TET2: variants seen among roughly 807,000 people sequenced by gnomAD.
The protein encoded by TET2 is methylcytosine dioxygenase TET2.
A neutral mutation model predicts 142.9 loss-of-function variants in TET2; 299 were observed. The observed-to-expected ratio is 2.09, with a 90% CI of 1.90 to 2.30. TET2 has a LOEUF of 2.30. Among genes scored for constraint, TET2 ranks in the 30% most tolerant of loss-of-function variants. The pLI, the probability that TET2 is intolerant of heterozygous loss-of-function variation, is 0.00. For synonymous variants in TET2, 819 were observed against 849.0 expected, an observed-to-expected ratio of 0.96 and a Z score of 0.61; for missense variants, 2,418 against 2,378.0, an observed-to-expected ratio of 1.02 and a Z score of -0.35.
rs1397583817 is a variant in TET2, at chr4:105,241,203, T to A, written c.3410-136T>A. 10 of 1,336,336 alleles carry A rather than the reference T, an allele frequency of 7.5e-6. No individual in the cohort carries two copies. The Admixed American group carries it at 3.5e-4, about 47-fold the overall frequency. 82.8% of individuals were successfully genotyped at this position (1,336,336 alleles called of 1,614,324 possible). A position where few individuals can be genotyped will look rare whatever the true frequency, so the allele number is the denominator to read the frequency against. On this transcript the variant is annotated intron_variant, in intron 3 of 10. Coordinates refer to ENST00000380013, the MANE Select transcript of TET2 (RefSeq NM_001127208.3). ...CTAATAGATCAGTCCATCAATCTAC[T>A]CATTTTAAAGAAAAAAAAATTTTAA...
At chr4:105,231,610 T>C (rs913071140) in intron 2 of TET2, among the ~76,000 whole-genome samples, 1 of 152,228 alleles carries the variant, frequency 6.6e-6, no homozygotes, top group Admixed American at 6.5e-5. Flanking sequence ...CTGTAAACAA[T>C]AACTTTAGCG....
chr4:105,237,870 CTCCTAAAGTT>C, intron 3 of TET2: 1 of 1,059,514 alleles, frequency 9.4e-7, no homozygotes. Context: ...ACTCTTAGTG[CTCCTAAAGTT>C]TCCTTTTCTC....
intron 1 of TET2, among the ~76,000 whole-genome samples, chr4:105,188,250 G>A (rs1247626367): frequency 6.6e-6 from 1 of 152,126 alleles, no homozygotes; most frequent in Non-Finnish European, 1.5e-5. Context: ...ATTCTACTAA[G>A]TGGAATAAGC....
intron 2 of TET2, among the ~76,000 whole-genome samples, chr4:105,199,806 C>T (rs1325783669): frequency 6.6e-6 from 1 of 152,144 alleles, no homozygotes; most frequent in Non-Finnish European, 1.5e-5. Flanking sequence ...GTTTTCTGTT[C>T]CTATGTTAGT....
chr4:105,229,410 A>G (rs1439795038), intron 2 of TET2, among the ~76,000 whole-genome samples: 1 of 152,166 alleles, frequency 6.6e-6, no homozygotes, highest in East Asian at 1.9e-4. Flanking sequence ...TCCTGGGTTC[A>G]AATGATTCTC....
At chr4:105,253,161 A>G (rs987770059) in intron 6 of TET2, among the ~76,000 whole-genome samples, 6 of 152,144 alleles carry the variant, frequency 3.9e-5, no homozygotes, top group Non-Finnish European at 5.9e-5. Context: ...GGCTATATAT[A>G]CAGTCATTTA....
Position 105,276,253 on chromosome 4 carries a change from G to T in TET2, c.5743G>T (p.Ala1915Ser). The T allele has an allele frequency of 6.4e-7, 1 of 1,551,650 alleles. No homozygotes were observed. The highest frequency in any genetic ancestry group is 8.7e-7 in the Non-Finnish European group (1 of 1,146,972). Residue 1915 changes from alanine (A) to serine (S), a missense_variant, in exon 11 of 11, where the codon GCT (alanine) becomes TCT (serine). Physicochemically the swap from Ala to Ser is moderately conservative, Grantham distance 99 (BLOSUM62 1). Transcript: ENST00000380013. ...CATGAATGAGCCAAAACATGGCTTG[G>T]CTCTTTGGGAAGCCAAAATGGCTGA... is the stretch of plus-strand genomic sequence containing the variant. Reference protein sequence around the residue: ...KSMNEPKHGLALWEAKMAEKA... With the variant: ...KSMNEPKHGLSLWEAKMAEKA...
At chr4:105,209,852 C>T in intron 2 of TET2, among the ~76,000 whole-genome samples, 1 of 152,000 alleles carries the variant, frequency 6.6e-6, no homozygotes, top group East Asian at 1.9e-4. Flanking sequence ...AGAAGATGAG[C>T]AAGGCTTAGA....
Position 105,243,741 on chromosome 4 carries a change from G to GGCAC in TET2, c.3769_3772dup (p.Leu1258HisfsTer11). 1 of 1,551,248 alleles carries GGCAC rather than the reference G, an allele frequency of 6.4e-7. No individual in the cohort carries two copies. The highest frequency in any genetic ancestry group is 8.7e-7 in the Non-Finnish European group (1 of 1,146,804). ...GCTTACCGAGACGCTGAGGAAATAC[G>GGCAC]GCACGCTCACCAATCGCCGGTGTGC... On this transcript the variant is annotated frameshift_variant, in exon 6 of 11. Coordinates refer to ENST00000380013, the MANE Select transcript of TET2 (RefSeq NM_001127208.3). LOFTEE classifies it high-confidence loss of function.
intron 1 of TET2, among the ~76,000 whole-genome samples, chr4:105,151,832 T>C (rs1342091393): frequency 1.3e-5 from 2 of 152,106 alleles, no homozygotes; most frequent in African/African-American, 4.8e-5. Context: ...CCCAGCACTT[T>C]GGGACGACAA....
chr4:105,195,419 A>G (rs1726026468), intron 2 of TET2, among the ~76,000 whole-genome samples: 1 of 152,178 alleles, frequency 6.6e-6, no homozygotes, highest in Non-Finnish European at 1.5e-5. Context: ...ACAAGTAATG[A>G]TGTTCTAGAA....
chr4:105,178,043 A>C (rs2110439425), intron 1 of TET2: 1 of 152,264 alleles, frequency 6.6e-6, no homozygotes, highest in Non-Finnish European at 1.5e-5. Flanking sequence ...AGCTGAGATC[A>C]TGCCATTGCA....
At chr4:105,213,261 G>T (rs1037779066) in intron 2 of TET2, among the ~76,000 whole-genome samples, 1 of 152,084 alleles carries the variant, frequency 6.6e-6, no homozygotes, top group Non-Finnish European at 1.5e-5. Context: ...AGTTTGACAC[G>T]TCAGTATAGT....
chr4:105,157,033 C>G (rs1205600551), intron 1 of TET2, among the ~76,000 whole-genome samples: 2 of 152,008 alleles, frequency 1.3e-5, no homozygotes, highest in Non-Finnish European at 1.5e-5. Flanking sequence ...CTTTGAGCAC[C>G]CTGTAATTAA....
At chr4:105,239,201 A>G (rs1168794313) in intron 3 of TET2, 1 of 242,502 alleles carries the variant, frequency 4.1e-6, no homozygotes, top group Non-Finnish European at 8.7e-6. Flanking sequence ...AGCAGGGTAC[A>G]CTTAGCATAA....
intron 8 of TET2, among the ~76,000 whole-genome samples, chr4:105,265,157 A>G (rs1054072579): frequency 6.6e-6 from 1 of 152,202 alleles, no homozygotes; most frequent in Non-Finnish European, 1.5e-5. Flanking sequence ...ATTTTAGACA[A>G]ATGCTTCTAA....
chr4:105,168,771 TTG>T (rs1560720543), intron 1 of TET2, among the ~76,000 whole-genome samples: 1 of 152,100 alleles, frequency 6.6e-6, no homozygotes, highest in Admixed American at 6.6e-5. Context: ...CTAGAGTCCA[TTG>T]TGTCATTCTT....
intron 2 of TET2, among the ~76,000 whole-genome samples, chr4:105,208,463 C>G (rs1726958475): frequency 6.6e-6 from 1 of 152,052 alleles, no homozygotes; most frequent in Admixed American, 6.6e-5. Context: ...GAAACTGTAG[C>G]TTTCTCATTT....
intron 1 of TET2, among the ~76,000 whole-genome samples, chr4:105,178,887 G>A (rs768014264): frequency 2.6e-5 from 4 of 152,166 alleles, no homozygotes; most frequent in Non-Finnish European, 5.9e-5. Context: ...GCCTGAGACT[G>A]AGTAATTTAT....
Sources: allele counts gnomAD v4.1 joint callset (sites outside exome capture counted in the v4.1 genomes callset), GRCh38; gene constraint gnomAD v4.1.1; transcripts MANE v1.5; gene names NCBI Gene and HGNC (gene_info 2026-07-23, HGNC 2026-07-21).